The following ZNF804B variants were observed in gnomAD, a reference collection of about 807,000 sequenced individuals.
ZNF804B encodes zinc finger 804B.
Under a neutral mutation model 101.4 loss-of-function variants are expected in ZNF804B, and 80 were observed. The ratio of observed to expected loss-of-function variants is 0.79; its 90% confidence interval spans 0.66 to 0.95. ZNF804B has a LOEUF of 0.95. Ranked by LOEUF, ZNF804B falls within the 40% of genes least tolerant of loss-of-function variation. The pLI is 0.00. For missense variants in ZNF804B, 1,673 were observed against 1,561.9 expected, an observed-to-expected ratio of 1.07 and a Z score of -1.20; for synonymous variants, 622 against 558.8, an observed-to-expected ratio of 1.11 and a Z score of -1.59.
At chr7:89,031,187 GTATA>G (rs887453933) in intron 1 of ZNF804B, among the ~76,000 whole-genome samples, 2 of 120,482 alleles carry the variant, frequency 1.7e-5, no homozygotes, top group African/African-American at 5.7e-5. Flanking sequence ...ATATATATGT[GTATA>G]TATATATATG....
intron 1 of ZNF804B, among the ~76,000 whole-genome samples, chr7:88,815,038 G>A (rs7788969): frequency 0.44 from 64,976 of 147,964 alleles, 15,052 homozygotes; most frequent in East Asian, 0.79. Flanking sequence ...ATACATATAT[G>A]TGTGTGTGTG....
chr7:88,904,121 T>C (rs931002868), intron 1 of ZNF804B, among the ~76,000 whole-genome samples: 1 of 152,202 alleles, frequency 6.6e-6, no homozygotes, highest in South Asian at 2.1e-4. Flanking sequence ...CTTGACTTAA[T>C]TTTTGTATGT....
At chr7:88,865,946 G>A (rs1791719866) in intron 1 of ZNF804B, among the ~76,000 whole-genome samples, 1 of 152,112 alleles carries the variant, frequency 6.6e-6, no homozygotes, top group Admixed American at 6.5e-5. Flanking sequence ...GTTTAATATG[G>A]TATGTTTTAT....
chr7:88,992,904 TGAG>T lies in ZNF804B; in HGVS notation c.109-225247_109-225245del, dbSNP rs145953618. Among the ~76,000 whole-genome samples, 1,167 of 152,088 alleles carry T rather than the reference TGAG, an allele frequency of 7.7e-3. 13 individuals carry two copies. The highest frequency in any genetic ancestry group is 0.027 in the African/African-American group (1,124 of 41,550). On this transcript the variant is annotated intron_variant, in intron 1 of 3. Coordinates refer to ENST00000333190, the MANE Select transcript of ZNF804B (RefSeq NM_181646.5). ...CCTTCTCAGAGTTCACAGTTACCTG[TGAG>T]GAGATTATTCTAGTGATAAAATTGA...
intron 1 of ZNF804B, among the ~76,000 whole-genome samples, chr7:88,910,403 C>T (rs965806677): frequency 6.6e-6 from 1 of 151,672 alleles, no homozygotes; most frequent in African/African-American, 2.4e-5. Context: ...CTAATAGTTC[C>T]CTAAGAAAGG....
rs115643986 is a variant in ZNF804B at position 89,259,058 on chromosome 7, A to C, written c.249+40763A>C. ...TCTCCAAAATTTGCCCATATCATAGAAGGGTTCATGTCATAAGATAAGTCA... is the reference window on the plus strand; with the variant it reads ...TCTCCAAAATTTGCCCATATCATAGCAGGGTTCATGTCATAAGATAAGTCA... On this transcript the variant is annotated intron_variant, in intron 2 of 3. Coordinates refer to ENST00000333190, the MANE Select transcript of ZNF804B (RefSeq NM_181646.5). Among the ~76,000 whole-genome samples, 547 of 152,220 alleles carry C rather than the reference A, an allele frequency of 3.6e-3. 7 individuals carry two copies. The highest frequency in any genetic ancestry group is 0.012 in the African/African-American group (510 of 41,542).
chr7:89,249,913 T>C (rs1789513277), intron 2 of ZNF804B, among the ~76,000 whole-genome samples: 1 of 152,094 alleles, frequency 6.6e-6, no homozygotes, highest in African/African-American at 2.4e-5. Context: ...GTAGGCCAGC[T>C]GTGGTGGTTC....
At chr7:88,783,073 A>C (rs556697778) in intron 1 of ZNF804B, among the ~76,000 whole-genome samples, 3 of 152,202 alleles carry the variant, frequency 2.0e-5, no homozygotes, top group Non-Finnish European at 4.4e-5. Flanking sequence ...CATCTCATTA[A>C]AAGGTAATAT....
intron 1 of ZNF804B, among the ~76,000 whole-genome samples, chr7:88,857,728 A>G (rs1423375997): frequency 6.6e-6 from 1 of 152,012 alleles, no homozygotes; most frequent in East Asian, 1.9e-4. Flanking sequence ...ATTCCAATCA[A>G]TAGAAAAAGA....
At chr7:89,108,107 T>G (rs1357727808) in intron 1 of ZNF804B, among the ~76,000 whole-genome samples, 2 of 152,172 alleles carry the variant, frequency 1.3e-5, no homozygotes, top group African/African-American at 4.8e-5. Flanking sequence ...AATGCAGTTT[T>G]ACTGTATGAA....
At chr7:88,854,555 C>CT in intron 1 of ZNF804B, among the ~76,000 whole-genome samples, 1 of 127,118 alleles carries the variant, frequency 7.9e-6, no homozygotes, top group African/African-American at 3.1e-5. Flanking sequence ...TCCTTCCTTC[C>CT]TTCCTTCCTT....
intron 1 of ZNF804B, among the ~76,000 whole-genome samples, chr7:88,946,554 C>CTTT (rs202172425): frequency 1.6e-5 from 2 of 128,120 alleles, no homozygotes; most frequent in African/African-American, 2.9e-5. Flanking sequence ...CTGAAATTTT[C>CTTT]TTTTTTTTTT....
chr7:89,009,758 G>A lies in ZNF804B; in HGVS notation c.109-208397G>A, dbSNP rs982715094. 2.6e-5 allele frequency among the ~76,000 whole-genome samples: 4 copies of A among 152,274 alleles called. No homozygotes were observed. The East Asian group carries it at 7.7e-4, about 29-fold the overall frequency. ...ACCTCATCAAACACCAAATCTACTG[G>A]CAACTTCCTCTTGGACTTCCCAGCC... On this transcript the variant is annotated intron_variant, in intron 1 of 3. Coordinates refer to ENST00000333190, the MANE Select transcript of ZNF804B (RefSeq NM_181646.5).
At position 89,333,386 on chromosome 7, in the gene ZNF804B, A is replaced by C. The variant is rs772556687; in HGVS notation, c.404A>C (p.Tyr135Ser). 5.6e-6 allele frequency: 9 copies of C among 1,605,848 alleles called. No homozygotes were observed. The Admixed American group carries it at 1.5e-4, about 28-fold the overall frequency. Residue 135 changes from tyrosine to serine, a missense_variant, in exon 4 of 4, where the codon TAC becomes TCC. Tyr to Ser is a moderately radical substitution (Grantham distance 144, BLOSUM62 -2). Coordinates refer to ENST00000333190, the MANE Select transcript of ZNF804B (RefSeq NM_181646.5). ...AGTGTTTCTGGAAATGGACCAGCAT[A>C]CAAAGCCCCCAGGGTAGCCATAGAA... The part of the protein sequence containing the change: ...SECVSGNGPA[Y>S]KAPRVAIEKQ...
At chr7:89,249,011 AT>A (rs1316468275) in intron 2 of ZNF804B, among the ~76,000 whole-genome samples, 1 of 144,370 alleles carries the variant, frequency 6.9e-6, no homozygotes, top group African/African-American at 2.6e-5. Flanking sequence ...AACAAATCAG[AT>A]TTTAAACCAA....
intron 1 of ZNF804B, among the ~76,000 whole-genome samples, chr7:88,893,478 T>A (rs1206288657): frequency 6.6e-6 from 1 of 152,122 alleles, no homozygotes; most frequent in Admixed American, 6.5e-5. Context: ...CTTTAAGATT[T>A]CAAAAAAATA....
chr7:89,054,711 C>CATTT (rs1463234269), intron 1 of ZNF804B, among the ~76,000 whole-genome samples: 1 of 151,952 alleles, frequency 6.6e-6, no homozygotes, highest in Admixed American at 6.6e-5. Context: ...CACGCTTATT[C>CATTT]ATTTATTTAT....
chr7:88,852,501 C>G (rs1260386509), intron 1 of ZNF804B, among the ~76,000 whole-genome samples: 1 of 151,934 alleles, frequency 6.6e-6, no homozygotes. Flanking sequence ...CCTGGCCACT[C>G]CCAATAAGAC....
At chr7:88,899,660 A>G (rs996156070) in intron 1 of ZNF804B, among the ~76,000 whole-genome samples, 11 of 151,990 alleles carry the variant, frequency 7.2e-5, no homozygotes, top group Non-Finnish European at 1.5e-5. Context: ...TTTACTTCTC[A>G]TTACTTCTGG....
Sources: gnomAD v4.1 joint callset for allele counts (sites outside exome capture counted in the v4.1 genomes callset) on GRCh38, gnomAD v4.1.1 for gene constraint, MANE v1.5 for transcripts, NCBI Gene and HGNC (gene_info 2026-07-23, HGNC 2026-07-21) for gene names.